The following SUCLA2 variants were observed in gnomAD, a reference collection of about 807,000 sequenced individuals.
SUCLA2 encodes succinate--CoA ligase [ADP-forming] subunit beta, mitochondrial.
SUCLA2 carries 30 observed loss-of-function variants against 54.8 expected under a neutral mutation model. The observed-to-expected ratio is 0.55, with a 90% CI of 0.41 to 0.74. The LOEUF (loss-of-function observed/expected upper bound fraction) is 0.74. Among genes scored for constraint, SUCLA2 ranks in the 30% least tolerant of loss-of-function variants. SUCLA2 has a pLI of 0.00. For synonymous variants in SUCLA2, 172 were observed against 188.9 expected (o/e 0.91, Z 0.74); for missense variants, 476 against 562.9 (o/e 0.85, Z 1.56).
intron 6 of SUCLA2, among the ~76,000 whole-genome samples, chr13:47,967,375 A>T (rs1356350279): frequency 6.6e-6 from 1 of 152,222 alleles, no homozygotes; most frequent in Non-Finnish European, 1.5e-5. Flanking sequence ...AAAAACTAAA[A>T]GTAAAGCTAA....
intron 4 of SUCLA2, among the ~76,000 whole-genome samples, chr13:47,974,875 T>C (rs1429531543): frequency 6.6e-6 from 1 of 152,194 alleles, no homozygotes; most frequent in African/African-American, 2.4e-5. Context: ...TAATGTAGTG[T>C]ATGTGTACAT....
At chr13:47,949,410 A>T in intron 9 of SUCLA2, 73 bp downstream of exon 9, 1 of 1,546,762 alleles carries the variant, frequency 6.5e-7, no homozygotes, top group Non-Finnish European at 8.9e-7. Context: ...ACTATGTTTT[A>T]ACAAACTGAA....
intron 1 of SUCLA2, among the ~76,000 whole-genome samples, chr13:47,998,453 G>A (rs968531527): frequency 6.6e-6 from 1 of 152,038 alleles, no homozygotes; most frequent in Non-Finnish European, 1.5e-5. Flanking sequence ...TGTCTAGAGT[G>A]TCCAGAGCAG....
intron 6 of SUCLA2, among the ~76,000 whole-genome samples, chr13:47,966,499 G>A (rs915788865): frequency 6.8e-6 from 1 of 146,778 alleles, no homozygotes; most frequent in Non-Finnish European, 1.5e-5. Context: ...AGTTAGATAG[G>A]CTGGTGCAAA....
chr13:47,956,140 A>G (rs1017272995), intron 6 of SUCLA2, among the ~76,000 whole-genome samples: 2 of 152,236 alleles, frequency 1.3e-5, no homozygotes, highest in Admixed American at 6.5e-5. Flanking sequence ...TCAGAAGACT[A>G]TTATAAACTT....
chr13:47,983,736 G>C (rs546807692), intron 4 of SUCLA2, among the ~76,000 whole-genome samples: 2 of 152,044 alleles, frequency 1.3e-5, no homozygotes, highest in Non-Finnish European at 2.9e-5. Context: ...TGATCCACCC[G>C]CCTCGGCCTC....
chr13:47,978,166 T>C (rs1950032765), intron 4 of SUCLA2, among the ~76,000 whole-genome samples: 1 of 152,130 alleles, frequency 6.6e-6, no homozygotes, highest in Non-Finnish European at 1.5e-5. Flanking sequence ...AAAAAACTAC[T>C]GTAAATTTCA....
At chr13:47,948,373 G>A (rs1174265964) in intron 10 of SUCLA2, among the ~76,000 whole-genome samples, 4 of 151,662 alleles carry the variant, frequency 2.6e-5, no homozygotes, top group Admixed American at 2.6e-4. Context: ...GCATGTGTGT[G>A]TGCGTGCATG....
At chr13:47,966,212 C>T (rs930531393) in intron 6 of SUCLA2, among the ~76,000 whole-genome samples, 1 of 152,150 alleles carries the variant, frequency 6.6e-6, no homozygotes, top group Non-Finnish European at 1.5e-5. Flanking sequence ...ATGTAAACAA[C>T]CGGCAATGTT....
intron 5 of SUCLA2, among the ~76,000 whole-genome samples, chr13:47,972,396 C>A (rs1043511468): frequency 6.6e-6 from 1 of 152,018 alleles, no homozygotes. Flanking sequence ...TGGCTGGGCG[C>A]GCTGGCTCAC....
chr13:47,950,016 T>C (rs865814574), intron 8 of SUCLA2, among the ~76,000 whole-genome samples: 2 of 152,356 alleles, frequency 1.3e-5, no homozygotes, highest in Middle Eastern at 3.4e-3. Flanking sequence ...AAAGGGCGTG[T>C]TGTGTGGCAA....
intron 4 of SUCLA2, chr13:47,988,318 A>C (rs1950120767): frequency 1.8e-6 from 1 of 549,484 alleles, no homozygotes. Context: ...AATTTATTAC[A>C]GCAGAATTTT....
intron 4 of SUCLA2, among the ~76,000 whole-genome samples, chr13:47,982,906 T>C (rs553326124): frequency 1.1e-4 from 16 of 152,288 alleles, no homozygotes; most frequent in Admixed American, 2.6e-4. Flanking sequence ...AAAACTGTAA[T>C]ACTAAGTTTA....
intron 1 of SUCLA2, 116 bp downstream of exon 1, chr13:48,001,064 G>A (rs1950227162): frequency 2.6e-6 from 4 of 1,523,260 alleles, no homozygotes; most frequent in African/African-American, 1.4e-5. Flanking sequence ...GGCCTTGCAG[G>A]GCACCCAGAA....
chr13:47,977,132 T>A (rs1425178521), intron 4 of SUCLA2, among the ~76,000 whole-genome samples: 2 of 152,138 alleles, frequency 1.3e-5, no homozygotes, highest in Non-Finnish European at 2.9e-5. Flanking sequence ...ACATTACAGC[T>A]GTCACAGAAA....
intron 5 of SUCLA2, among the ~76,000 whole-genome samples, chr13:47,969,948 A>G (rs1262488389): frequency 6.6e-6 from 1 of 152,072 alleles, no homozygotes; most frequent in East Asian, 1.9e-4. Context: ...TCAAAAATAC[A>G]AAAATTAGCC....
intron 2 of SUCLA2, among the ~76,000 whole-genome samples, chr13:47,990,008 C>A (rs1341373747): frequency 1.3e-5 from 2 of 152,100 alleles, no homozygotes; most frequent in Non-Finnish European, 2.9e-5. Context: ...CTGTGGAAAA[C>A]CAGCAAACTG....
chr13:47,994,589 A>C (rs1210954378), intron 2 of SUCLA2, among the ~76,000 whole-genome samples: 1 of 151,186 alleles, frequency 6.6e-6, no homozygotes, highest in East Asian at 1.9e-4. Context: ...AAAAAAAAAA[A>C]CCACGAAATT....
At chr13:47,995,258 A>G (rs538684448) in intron 2 of SUCLA2, among the ~76,000 whole-genome samples, 1 of 152,328 alleles carries the variant, frequency 6.6e-6, no homozygotes, top group East Asian at 1.9e-4. Context: ...ACGTAATTAT[A>G]TATAAATCAG....
Sources: gnomAD v4.1 joint callset for allele counts (sites outside exome capture counted in the v4.1 genomes callset) on GRCh38, gnomAD v4.1.1 for gene constraint, MANE v1.5 for transcripts, NCBI Gene and HGNC (gene_info 2026-07-23, HGNC 2026-07-21) for gene names.